Variants in RBKS observed in about 807,000 individuals in gnomAD.
RBKS encodes ribokinase.
RBKS carries 33 observed loss-of-function variants against 33.9 expected under a neutral mutation model. That is an observed-to-expected ratio of 0.97 (90% confidence interval 0.74 to 1.30). The LOEUF (loss-of-function observed/expected upper bound fraction) is 1.30, where lower values mean the gene tolerates loss of function less well. Among genes scored for constraint, RBKS ranks in the 50% most tolerant of loss-of-function variants. The pLI is 0.00. For synonymous variants in RBKS, 125 were observed against 143.0 expected (o/e 0.87, Z 0.90); for missense variants, 361 against 392.6 (o/e 0.92, Z 0.68).
At chr2:27,827,473 G>A in intron 7 of RBKS, 94 bp downstream of exon 7, 1 of 1,145,450 alleles carries the variant, frequency 8.7e-7, no homozygotes, top group Non-Finnish European at 1.2e-6. Flanking sequence ...CTAGGGCTTT[G>A]TTTCATTATC....
intron 7 of RBKS, among the ~76,000 whole-genome samples, chr2:27,826,985 T>C (rs1487086779): frequency 7.1e-6 from 1 of 140,670 alleles, no homozygotes; most frequent in African/African-American, 2.8e-5. Context: ...CACAGAATTG[T>C]TTAAAGATTA....
At chr2:27,801,960 AAAAATATAT>A (rs1311249805) in intron 7 of RBKS, among the ~76,000 whole-genome samples, 1 of 68,820 alleles carries the variant, frequency 1.5e-5, no homozygotes, top group African/African-American at 5.9e-5. Flanking sequence ...GAAAAAAAAA[AAAAATATAT>A]ATATATATAT....
At chr2:27,839,098 C>T (rs555516928) in intron 5 of RBKS, among the ~76,000 whole-genome samples, 13 of 152,268 alleles carry the variant, frequency 8.5e-5, no homozygotes, top group South Asian at 8.3e-4. Flanking sequence ...AAAATACTGG[C>T]TTTGCTGTCC....
rs140195362 is a variant in RBKS at position 27,827,723 on chromosome 2, G to A, written c.639C>T (p.Ser213=). The A allele has an allele frequency of 1.1e-5, 18 of 1,607,744 alleles. No homozygotes were observed. The African/African-American group carries it at 1.3e-4, about 12-fold the overall frequency. The change falls in exon 7 of 8, where the codon AGC becomes AGT. Residue 213 remains serine (S), a synonymous_variant. Coordinates refer to ENST00000302188, the MANE Select transcript of RBKS (RefSeq NM_022128.3). ...ATGCAGCCTCCCCAGCATCTGCAGC[G>A]CTGCCCACCGTGAGGCCAGTTAAAA... ...AEILTGLTVG[S]AADAGEAALV...
chr2:27,797,013 G>A (rs909819966), intron 7 of RBKS, among the ~76,000 whole-genome samples: 1 of 152,132 alleles, frequency 6.6e-6, no homozygotes, highest in African/African-American at 2.4e-5. Context: ...GCTTCTTAAG[G>A]CTCTGCTCTC....
intron 2 of RBKS, among the ~76,000 whole-genome samples, chr2:27,851,634 G>A (rs1663748144): frequency 6.6e-6 from 1 of 152,042 alleles, no homozygotes; most frequent in Non-Finnish European, 1.5e-5. Context: ...TGCCTCTTGG[G>A]TTCAGGTGAT....
chr2:27,795,038 C>A lies in RBKS; in HGVS notation c.796-13250G>T, dbSNP rs1677640163. ...ATCCAGCGCCCTGTGCCAAGACCACCACTGGTTTCTTCTGTTTTCAACCAA... is the reference window on the plus strand; with the variant it reads ...ATCCAGCGCCCTGTGCCAAGACCACAACTGGTTTCTTCTGTTTTCAACCAA... On this transcript the variant is annotated intron_variant, in intron 7 of 7. Coordinates refer to ENST00000302188, the MANE Select transcript of RBKS (RefSeq NM_022128.3). This position sits in a 1 kb window ranked among gnomAD's most constrained non-coding sequence, Gnocchi z 4.1. Among the ~76,000 whole-genome samples, 1 of 152,180 alleles carries A rather than the reference C, an allele frequency of 6.6e-6. No individual in the cohort carries two copies. The highest frequency in any genetic ancestry group is 1.5e-5 in the Non-Finnish European group (1 of 68,036).
intron 7 of RBKS, 80 bp from the exon 8 acceptor site, chr2:27,781,868 T>A: frequency 8.0e-7 from 1 of 1,256,230 alleles, no homozygotes; most frequent in Non-Finnish European, 1.1e-6. Context: ...GATATTTAAG[T>A]AAACTTAATT....
chr2:27,871,990 G>C (rs924825295), intron 1 of RBKS, among the ~76,000 whole-genome samples: 3 of 152,198 alleles, frequency 2.0e-5, no homozygotes, highest in Non-Finnish European at 4.4e-5. Flanking sequence ...TGCAGTTCAC[G>C]ATAGGGTTCA....
chr2:27,826,487 C>G (rs955100072), intron 7 of RBKS, among the ~76,000 whole-genome samples: 5 of 151,594 alleles, frequency 3.3e-5, no homozygotes, highest in Non-Finnish European at 7.4e-5. Flanking sequence ...TGGCTCACTG[C>G]AACCTCTGCC....
chr2:27,841,314 G>A (rs1663499729), intron 5 of RBKS, among the ~76,000 whole-genome samples: 1 of 152,170 alleles, frequency 6.6e-6, no homozygotes, highest in Admixed American at 6.5e-5. Flanking sequence ...AGGGAACAGT[G>A]ATCTCTGAGC....
chr2:27,844,509 A>G (rs1218536592), intron 4 of RBKS, among the ~76,000 whole-genome samples: 1 of 151,862 alleles, frequency 6.6e-6, no homozygotes, highest in Non-Finnish European at 1.5e-5. Context: ...TCTCCCACCT[A>G]AGCCTCCCAA....
rs1426783855 is a variant in RBKS, at chr2:27,810,075, T to C, written c.795+17492A>G. ...GAAAATGAAGGAAGGAACTGAGCAA[T>C]TGTTCTGTGAATCTAACTGCATTGA... On this transcript the variant is annotated intron_variant, in intron 7 of 7. Transcript: ENST00000302188. The surrounding 1 kb of genome is among the most constrained non-coding windows in gnomAD (Gnocchi z 4.4). The C allele has an allele frequency of 1.6e-5, 21 of 1,303,520 alleles. No homozygotes were observed. The highest frequency in any genetic ancestry group is 2.1e-5 in the Non-Finnish European group (21 of 988,780). 80.7% of individuals were successfully genotyped at this position (1,303,520 alleles called of 1,614,324 possible).
At chr2:27,860,402 A>G (rs1049525531) in intron 1 of RBKS, among the ~76,000 whole-genome samples, 4 of 152,224 alleles carry the variant, frequency 2.6e-5, no homozygotes, top group African/African-American at 9.6e-5. Flanking sequence ...AGCAACCTGA[A>G]AAAGAAAAAA....
At chr2:27,888,003 T>C (rs1264057892) in intron 1 of RBKS, among the ~76,000 whole-genome samples, 3 of 152,124 alleles carry the variant, frequency 2.0e-5, no homozygotes, top group Non-Finnish European at 4.4e-5. Context: ...CAAAGTACTA[T>C]AGTTATTTTT....
At chr2:27,828,090 G>A (rs1678353180) in intron 6 of RBKS, among the ~76,000 whole-genome samples, 1 of 152,142 alleles carries the variant, frequency 6.6e-6, no homozygotes, top group Non-Finnish European at 1.5e-5. Context: ...GAGGCATCAT[G>A]TTGTCTGCAA....
At chr2:27,873,861 A>G (rs1339007658) in intron 1 of RBKS, among the ~76,000 whole-genome samples, 2 of 152,202 alleles carry the variant, frequency 1.3e-5, no homozygotes, top group Non-Finnish European at 2.9e-5. Context: ...CTGAAACAAA[A>G]AACCCCAAAC....
intron 7 of RBKS, among the ~76,000 whole-genome samples, chr2:27,824,151 TG>T (rs1447666997): frequency 6.6e-6 from 1 of 152,346 alleles, no homozygotes; most frequent in Non-Finnish European, 1.5e-5. Context: ...CTCTTATGCC[TG>T]GCTTCTTTTA....
intron 2 of RBKS, among the ~76,000 whole-genome samples, chr2:27,848,739 G>T (rs1663672648): frequency 6.6e-6 from 1 of 151,952 alleles, no homozygotes; most frequent in South Asian, 2.1e-4. Flanking sequence ...CTACTCGGGA[G>T]GCTGAAGCAG....
Sources: gnomAD v4.1 joint callset for allele counts (sites outside exome capture counted in the v4.1 genomes callset) on GRCh38, gnomAD v4.1.1 for gene constraint, Gnocchi (gnomAD v3.1) non-coding constraint, MANE v1.5 for transcripts, NCBI Gene and HGNC (gene_info 2026-07-23, HGNC 2026-07-21) for gene names.